Variants in COL4A1 observed in about 807,000 individuals in gnomAD.
COL4A1 encodes the protein collagen alpha-1(IV) chain.
A neutral mutation model predicts 216.6 loss-of-function variants in COL4A1; 40 were observed. That is an observed-to-expected ratio of 0.18 (90% CI 0.14 to 0.24). The LOEUF is 0.24. Ranked by LOEUF, COL4A1 falls within the 10% of genes least tolerant of loss-of-function variation. The pLI is 1.00. For synonymous variants in COL4A1, 839 were observed against 810.7 expected, an observed-to-expected ratio of 1.03 and a Z score of -0.59; for missense variants, 1,628 against 2,196.8, an observed-to-expected ratio of 0.74 and a Z score of 5.18.
chr13:110,266,829 GA>G (rs541281715), intron 1 of COL4A1, among the ~76,000 whole-genome samples: 71 of 152,282 alleles, frequency 4.7e-4, no homozygotes, highest in African/African-American at 1.7e-3. Context: ...GTAAAACCAC[GA>G]ATGTGGCAAA....
intron 24 of COL4A1, among the ~76,000 whole-genome samples, chr13:110,188,674 G>A (rs376299593): frequency 6.6e-6 from 1 of 152,216 alleles, no homozygotes; most frequent in Non-Finnish European, 1.5e-5. Context: ...AGGGATGAGC[G>A]AGTAAAATCT....
Position 110,211,802 on chromosome 13 carries a change from A to T in COL4A1, c.441+67T>A, listed in dbSNP as rs893611936. 7 of 1,558,952 alleles carry T rather than the reference A, an allele frequency of 4.5e-6. No homozygotes were observed. The highest frequency in any genetic ancestry group is 6.2e-6 in the Non-Finnish European group (7 of 1,133,628). The stretch of plus-strand genomic sequence containing the variant: ...ATAAGCAAAGAAAGAAAGAAAAGGA[A>T]ATGGAATGAAAAGAGAGAAGTCATA... On this transcript the variant is annotated intron_variant, in intron 7 of 51. Transcript: ENST00000375820. The surrounding 1 kb of genome is among the most constrained non-coding windows in gnomAD (Gnocchi z 4.3).
At chr13:110,195,001 TA>T in intron 22 of COL4A1, 21 bp downstream of exon 22, 1 of 1,607,640 alleles carries the variant, frequency 6.2e-7, no homozygotes, top group Non-Finnish European at 8.5e-7. Context: ...ACCACCATTT[TA>T]AAAAAATCAA....
intron 1 of COL4A1, among the ~76,000 whole-genome samples, chr13:110,246,778 A>C (rs1027094252): frequency 1.3e-5 from 2 of 152,100 alleles, no homozygotes; most frequent in African/African-American, 2.4e-5. Context: ...TCTGTGCGGT[A>C]CTCATCCTCT....
rs1405725836 is a variant in COL4A1 at position 110,172,709 on chromosome 13, G to A, written c.3556+11C>T. The A allele has an allele frequency of 1.2e-6, 2 of 1,612,804 alleles. No individual in the cohort carries two copies. The highest frequency in any genetic ancestry group is 1.3e-5 in the African/African-American group (1 of 74,916). ...TGGTTGAAAAGGAAGAGCACAGTGA[G>A]CAAAGATTACCTTTGTCTCCTTTGG... On this transcript the variant is annotated intron_variant, in intron 41 of 51. Transcript: ENST00000375820.
chr13:110,170,503 T>C (rs1241472966), intron 42 of COL4A1, 44 bp downstream of exon 42: 3 of 1,552,020 alleles, frequency 1.9e-6, no homozygotes, highest in Admixed American at 1.9e-5. Context: ...TTTTGTGAAT[T>C]CTGTCCCAGT....
intron 1 of COL4A1, among the ~76,000 whole-genome samples, chr13:110,279,981 A>G (rs900351863): frequency 6.6e-6 from 1 of 152,186 alleles, no homozygotes; most frequent in Non-Finnish European, 1.5e-5. Context: ...CAGTGTCTGC[A>G]CATTACTGAA....
chr13:110,155,201 G>A (rs1488108663), intron 50 of COL4A1, 82 bp downstream of exon 50: 2 of 966,238 alleles, frequency 2.1e-6, no homozygotes, highest in Admixed American at 1.7e-5. Flanking sequence ...GAACTCCAAG[G>A]TGTGGAGGCA....
chr13:110,266,078 G>A (rs896265854), intron 1 of COL4A1: 6 of 152,238 alleles, frequency 3.9e-5, no homozygotes, highest in African/African-American at 9.7e-5. Flanking sequence ...CAGGGGGACT[G>A]AGCCAGCAGC....
rs9559742 is a variant in COL4A1, at chr13:110,167,451, T to C, written c.3877-221A>G. Among the ~76,000 whole-genome samples the C allele has an allele frequency of 8.5e-5, 13 of 152,310 alleles. No individual in the cohort carries two copies. In the East Asian group the frequency reaches 2.5e-3, roughly 29 times the overall value. On this transcript the variant is annotated intron_variant, in intron 43 of 51. Transcript: ENST00000375820. ...TAGAAGCATTTGTTTCCCTCCCATG[T>C]ATCTCCTCTGCTTGTCCATCCACAG...
At chr13:110,179,116 G>A (rs1878024279) in intron 30 of COL4A1, 80 bp from the exon 31 acceptor site, 1 of 1,530,562 alleles carries the variant, frequency 6.5e-7, no homozygotes, top group African/African-American at 1.4e-5. Flanking sequence ...CACACGAATG[G>A]CCCCAGCAAC....
intron 1 of COL4A1, among the ~76,000 whole-genome samples, chr13:110,285,226 A>G (rs1288732746): frequency 6.6e-6 from 1 of 152,262 alleles, no homozygotes; most frequent in Non-Finnish European, 1.5e-5. Context: ...TCGATTTTCC[A>G]TTGGAAATGC....
rs148290885 is a variant in COL4A1, at chr13:110,211,901, G to A, written c.409C>T (p.Pro137Ser). The change falls in exon 7 of 52, where the codon CCT (proline) becomes TCT (serine). Residue 137 changes from proline to serine, a missense_variant. Around this residue, in one of 8 missense-constraint regions of COL4A1, gnomAD observed 150 missense variants for 211.9 expected, o/e 0.71. Transcript: ENST00000375820. The surrounding 1 kb of genome is among the most constrained non-coding windows in gnomAD (Gnocchi z 4.3). ...GTKGERGPLG[P>S]PGLPGFAGNP... ...CCAGCGAAACCAGGCAAGCCAGGAG[G>A]CCCGAGCGGCCCTCTCTCCCCCTGG... 5.8e-5 allele frequency: 93 copies of A among 1,613,954 alleles called. No individual in the cohort carries two copies. Among genetic ancestry groups the A allele is most frequent in the Non-Finnish European group, 7.9e-5 (93 of 1,180,016 alleles).
chr13:110,188,748 A>G (rs550545664), intron 24 of COL4A1, among the ~76,000 whole-genome samples: 1 of 152,322 alleles, frequency 6.6e-6, no homozygotes, highest in Non-Finnish European at 1.5e-5. Flanking sequence ...AAGTCAAACA[A>G]ACAGCAAATG....
At chr13:110,283,885 C>A (rs1020777676) in intron 1 of COL4A1, among the ~76,000 whole-genome samples, 12 of 152,226 alleles carry the variant, frequency 7.9e-5, no homozygotes, top group Non-Finnish European at 1.5e-4. Flanking sequence ...AAAGCTGTCA[C>A]ATGTCGACAG....
chr13:110,181,490 C>T (rs1421100437), intron 28 of COL4A1, 101 bp from the exon 29 acceptor site: 2 of 1,227,648 alleles, frequency 1.6e-6, no homozygotes, highest in East Asian at 2.5e-5. Flanking sequence ...GAGATGCCGA[C>T]CTGATCTGAG....
At chr13:110,257,334 G>C (rs964313229) in intron 1 of COL4A1, among the ~76,000 whole-genome samples, 1 of 152,134 alleles carries the variant, frequency 6.6e-6, no homozygotes, top group African/African-American at 2.4e-5. Flanking sequence ...ACTTCCATGC[G>C]ACATCCTTCC....
chr13:110,305,635 G>T (rs896077984), intron 1 of COL4A1, among the ~76,000 whole-genome samples: 3 of 152,258 alleles, frequency 2.0e-5, no homozygotes, highest in African/African-American at 7.2e-5. Context: ...TTACCAAAGA[G>T]TGTTTAAATA....
chr13:110,240,506 C>T (rs1881516110), intron 2 of COL4A1, among the ~76,000 whole-genome samples: 1 of 152,266 alleles, frequency 6.6e-6, no homozygotes, highest in South Asian at 2.1e-4. Flanking sequence ...ACTTCTCTGC[C>T]TTCCTGTCCT....
Sources: allele counts gnomAD v4.1 joint callset (sites outside exome capture counted in the v4.1 genomes callset), GRCh38; gene constraint gnomAD v4.1.1; regional missense constraint gnomAD v4.1.1; non-coding constraint Gnocchi (gnomAD v3.1); transcripts MANE v1.5; gene names NCBI Gene and HGNC (gene_info 2026-07-23, HGNC 2026-07-21).